The following GALNT10 variants were observed in gnomAD, a reference collection of about 807,000 sequenced individuals.
GALNT10 encodes polypeptide N-acetylgalactosaminyltransferase 10, also known as GalNAc transferase 10.
In GALNT10, 41 loss-of-function variants were observed where a neutral mutation model predicts 75.0. The ratio of observed to expected loss-of-function variants is 0.55; its 90% CI spans 0.43 to 0.71. GALNT10 has a LOEUF of 0.71. GALNT10 is among the 30% of genes least tolerant of loss of function. GALNT10 has a pLI of 0.00. For synonymous variants in GALNT10, 302 were observed against 313.0 expected (o/e 0.96, Z 0.37); for missense variants, 727 against 818.5 (o/e 0.89, Z 1.36).
Position 154,412,254 on chromosome 5 carries a change from C to T in GALNT10, c.1387-635C>T, listed in dbSNP as rs1451702510. ...TGCACCTAGCACAATGGCCTGCCCA[C>T]AGTAAGTGCCCAATCGGTATTTGTT... On this transcript the variant is annotated intron_variant, in intron 9 of 11. Coordinates refer to ENST00000297107, the MANE Select transcript of GALNT10 (RefSeq NM_198321.4). The surrounding 1 kb of genome is among the most constrained non-coding windows in gnomAD (Gnocchi z 4.2). Among the ~76,000 whole-genome samples, 1 of 152,208 alleles carries T rather than the reference C, an allele frequency of 6.6e-6. No individual in the cohort carries two copies. The highest frequency in any genetic ancestry group is 1.5e-5 in the Non-Finnish European group (1 of 68,026).
intron 7 of GALNT10, chr5:154,387,728 A>G (rs1482057532): frequency 6.6e-6 from 1 of 151,774 alleles, no homozygotes; most frequent in Non-Finnish European, 1.5e-5. Flanking sequence ...TTCTTAATAA[A>G]TTATCCTAAA....
chr5:154,209,074 C>G (rs561796072), intron 1 of GALNT10, among the ~76,000 whole-genome samples: 1 of 152,272 alleles, frequency 6.6e-6, no homozygotes, highest in East Asian at 1.9e-4. Flanking sequence ...ACAAAACCAC[C>G]CAAGGGAATG....
chr5:154,385,606 C>T (rs1447916552), intron 6 of GALNT10, among the ~76,000 whole-genome samples: 1 of 152,144 alleles, frequency 6.6e-6, no homozygotes, highest in Non-Finnish European at 1.5e-5. Context: ...GGGGGCTGCC[C>T]CACTACACCA....
At chr5:154,193,739 C>CT (rs1774895742) in intron 1 of GALNT10, among the ~76,000 whole-genome samples, 1 of 152,256 alleles carries the variant, frequency 6.6e-6, no homozygotes, top group Non-Finnish European at 1.5e-5. Context: ...GAGTAGTCCT[C>CT]TAACTCCTTG....
At chr5:154,271,343 G>C (rs1335634995) in intron 1 of GALNT10, among the ~76,000 whole-genome samples, 1 of 152,148 alleles carries the variant, frequency 6.6e-6, no homozygotes, top group African/African-American at 2.4e-5. Flanking sequence ...GCGGGTGCCT[G>C]TAATCCCAGA....
chr5:154,200,853 G>C (rs1316574975), intron 1 of GALNT10, among the ~76,000 whole-genome samples: 1 of 152,132 alleles, frequency 6.6e-6, no homozygotes, highest in Admixed American at 6.5e-5. Flanking sequence ...CGTTTTGTGT[G>C]CCTTGAACAG....
chr5:154,415,826 C>A lies in GALNT10; in HGVS notation c.1547C>A (p.Pro516His), dbSNP rs1756493402. The change falls in exon 11 of 12, where the codon CCC becomes CAC. Residue 516 changes from proline (P) to histidine (H), a missense_variant. Transcript: ENST00000297107. ...TWREDIRPGD[P>H]QHTKKFCFDA... Reference sequence around the variant, plus strand: ...AGAGAGGACATCCGGCCTGGAGACCCCCAGCACACCAAGAAGTTCTGCTTT... The same window carrying A: ...AGAGAGGACATCCGGCCTGGAGACCACCAGCACACCAAGAAGTTCTGCTTT... 1 of 1,614,168 alleles carries A rather than the reference C, an allele frequency of 6.2e-7. No individual in the cohort carries two copies. Among genetic ancestry groups the A allele is most frequent in the Non-Finnish European group, 8.5e-7 (1 of 1,180,006 alleles).
chr5:154,283,954 C>T (rs183275118), intron 1 of GALNT10, among the ~76,000 whole-genome samples: 1 of 152,310 alleles, frequency 6.6e-6, no homozygotes, highest in East Asian at 1.9e-4. Flanking sequence ...GAAAGATTCT[C>T]AAAGTCTGGG....
At chr5:154,209,419 A>G (rs1196507650) in intron 1 of GALNT10, among the ~76,000 whole-genome samples, 2 of 152,230 alleles carry the variant, frequency 1.3e-5, no homozygotes, top group Non-Finnish European at 2.9e-5. Flanking sequence ...GAGGCAATAA[A>G]TTAATAACTG....
intron 1 of GALNT10, among the ~76,000 whole-genome samples, chr5:154,201,924 G>A (rs1031242629): frequency 4.4e-5 from 6 of 137,520 alleles, no homozygotes; most frequent in African/African-American, 1.2e-4. Context: ...GCAAGATTCC[G>A]TCTCGAGGAA....
chr5:154,341,519 T>C (rs181102021), intron 4 of GALNT10, among the ~76,000 whole-genome samples: 4 of 152,344 alleles, frequency 2.6e-5, no homozygotes, highest in East Asian at 3.9e-4. Context: ...GTCTTTTTTT[T>C]CCTATATGCT....
intron 3 of GALNT10, among the ~76,000 whole-genome samples, chr5:154,325,106 G>A (rs1348842279): frequency 3.3e-5 from 5 of 152,096 alleles, no homozygotes; most frequent in Non-Finnish European, 7.4e-5. Context: ...AATGCAGAAA[G>A]CAATCCCTAA....
chr5:154,365,549 T>C (rs1755462556), intron 4 of GALNT10, among the ~76,000 whole-genome samples: 1 of 151,870 alleles, frequency 6.6e-6, no homozygotes, highest in African/African-American at 2.4e-5. Flanking sequence ...TAATCTAGAG[T>C]CCCCTGAAAG....
intron 3 of GALNT10, among the ~76,000 whole-genome samples, chr5:154,323,385 T>C (rs1403692572): frequency 6.7e-6 from 1 of 148,578 alleles, no homozygotes; most frequent in African/African-American, 2.5e-5. Context: ...AAAAAAAAAA[T>C]GTAAAAGTCA....
intron 3 of GALNT10, 73 bp from the exon 4 acceptor site, chr5:154,329,499 A>C: frequency 7.9e-7 from 1 of 1,260,580 alleles, no homozygotes; most frequent in Non-Finnish European, 1.2e-6. Flanking sequence ...AGTTAGCCAA[A>C]CCCTGTGCCT....
chr5:154,247,366 T>G (rs1020886328), intron 1 of GALNT10, among the ~76,000 whole-genome samples: 6 of 152,252 alleles, frequency 3.9e-5, no homozygotes, highest in African/African-American at 1.2e-4. Flanking sequence ...GGTAGCTTGA[T>G]GGGGATGGCA....
intron 5 of GALNT10, among the ~76,000 whole-genome samples, chr5:154,377,304 A>T (rs1221360793): frequency 6.6e-6 from 1 of 152,232 alleles, no homozygotes; most frequent in African/African-American, 2.4e-5. Flanking sequence ...GAGTCAGGTG[A>T]GGGACACAGC....
intron 3 of GALNT10, among the ~76,000 whole-genome samples, chr5:154,304,610 T>C (rs1754404705): frequency 6.6e-6 from 1 of 152,010 alleles, no homozygotes; most frequent in Non-Finnish European, 1.5e-5. Flanking sequence ...TAGAGATCTT[T>C]ATTTACAAAA....
Position 154,376,821 on chromosome 5 carries a change from A to C in GALNT10, c.754+359A>C, listed in dbSNP as rs988873200. On this transcript the variant is annotated intron_variant, in intron 5 of 11. Coordinates refer to ENST00000297107, the MANE Select transcript of GALNT10 (RefSeq NM_198321.4). The surrounding 1 kb of genome is among the most constrained non-coding windows in gnomAD (Gnocchi z 4.1). ...TAGCCAAACTGTGGGGGACATCATC[A>C]TATCAACTTAGAAGAGTTACCATAG... Among the ~76,000 whole-genome samples the C allele has an allele frequency of 6.6e-6, 1 of 152,206 alleles. No homozygotes were observed.
Sources: gnomAD v4.1 joint callset for allele counts (sites outside exome capture counted in the v4.1 genomes callset) on GRCh38, gnomAD v4.1.1 for gene constraint, Gnocchi (gnomAD v3.1) non-coding constraint, MANE v1.5 for transcripts, NCBI Gene and HGNC (gene_info 2026-07-23, HGNC 2026-07-21) for gene names.